TUB: variants seen among roughly 807,000 people sequenced by gnomAD.
TUB encodes the protein TUB bipartite transcription factor.
A neutral mutation model predicts 59.7 loss-of-function variants in TUB; 33 were observed. The observed-to-expected ratio is 0.55, with a 90% confidence interval of 0.42 to 0.74. The LOEUF (loss-of-function observed/expected upper bound fraction) is 0.74, where lower values mean the gene tolerates loss of function less well. Among genes scored for constraint, TUB ranks in the 30% least tolerant of loss-of-function variants. The probability of loss-of-function intolerance (pLI) is 0.00; values close to 1 mark genes in which losing one functional copy is unlikely to be tolerated. For missense variants in TUB, 659 were observed against 672.0 expected (o/e 0.98, Z 0.21); for synonymous variants, 293 against 256.4 (o/e 1.14, Z -1.36).
intron 3 of TUB, among the ~76,000 whole-genome samples, chr11:8,091,636 C>G (rs1308298104): frequency 2.0e-5 from 3 of 152,144 alleles, no homozygotes; most frequent in East Asian, 1.9e-4. Flanking sequence ...GCTAATTCCC[C>G]TGTGTGTGTG....
At chr11:8,071,256 G>A (rs1439087160) in intron 2 of TUB, among the ~76,000 whole-genome samples, 1 of 152,166 alleles carries the variant, frequency 6.6e-6, no homozygotes, top group African/African-American at 2.4e-5. Context: ...ATAGGGGTAG[G>A]TCTAGCCTGA....
upstream of TUB, among the ~76,000 whole-genome samples, chr11:8,080,221 G>A (rs963177538): frequency 6.6e-6 from 1 of 152,206 alleles, no homozygotes; most frequent in Non-Finnish European, 1.5e-5. Flanking sequence ...CAGAATCCAG[G>A]ATGCACACGA....
intron 9 of TUB, 142 bp downstream of exon 9, chr11:8,099,017 T>C: frequency 1.4e-6 from 1 of 693,268 alleles, no homozygotes; most frequent in East Asian, 2.5e-5. Flanking sequence ...GGAGTGTTCC[T>C]GGCCTAGGAC....
At position 8,095,024 on chromosome 11, in the gene TUB, A is replaced by G. The variant is rs139015763; in HGVS notation, c.398-474A>G. ...GGAAGGCGAGTGTATGCCAATTGCA[A>G]TCTTTCTCAAGGGGCCCACGTTTTT... On this transcript the variant is annotated intron_variant, in intron 4 of 11. Transcript: ENST00000299506. 7.1e-3 allele frequency among the ~76,000 whole-genome samples: 1,081 copies of G among 152,318 alleles called. 28 individuals are homozygous for G. Among genetic ancestry groups the G allele is most frequent in the Admixed American group, 0.056 (852 of 15,308 alleles).
intron 2 of TUB, among the ~76,000 whole-genome samples, chr11:8,072,270 CA>C (rs556327370): frequency 1.4e-4 from 22 of 152,226 alleles, no homozygotes; most frequent in Non-Finnish European, 2.9e-4. Context: ...TCCTCCAGGC[CA>C]GAGCTCAGCT....
intron 5 of TUB, among the ~76,000 whole-genome samples, chr11:8,096,274 G>A (rs753732465): frequency 6.6e-6 from 1 of 152,164 alleles, no homozygotes. Context: ...CAGATTCCGT[G>A]GTCTATGCCA....
intron 1 of TUB, among the ~76,000 whole-genome samples, chr11:8,022,821 C>T (rs11827564): frequency 0.42 from 63,563 of 151,982 alleles, 14,934 homozygotes; most frequent in Middle Eastern, 0.59. Context: ...ACCCGGGAGA[C>T]GGAGGTTGCA....
chr11:8,065,406 G>A (rs994894955), intron 2 of TUB, among the ~76,000 whole-genome samples: 41 of 152,196 alleles, frequency 2.7e-4, no homozygotes, highest in African/African-American at 9.2e-4. Flanking sequence ...AAGTGGTTTC[G>A]TGTGAGTCTT....
chr11:8,097,199 G>C, intron 6 of TUB, 29 bp from the exon 7 acceptor site: 2 of 1,612,612 alleles, frequency 1.2e-6, no homozygotes, highest in Non-Finnish European at 1.7e-6. Context: ...GGTCCTTGGG[G>C]CTCAGGCACC....
intron 1 of TUB, among the ~76,000 whole-genome samples, chr11:8,025,125 A>G (rs756194981): frequency 1.3e-4 from 20 of 152,216 alleles, no homozygotes; most frequent in Non-Finnish European, 2.5e-4. Context: ...AGTTCTTACC[A>G]TCTAGTTGGG....
chr11:8,019,754 C>T (rs12797527), intron 1 of TUB, among the ~76,000 whole-genome samples: 84 of 151,848 alleles, frequency 5.5e-4, no homozygotes, highest in African/African-American at 2.0e-3. Context: ...GGGGCGCCTT[C>T]GGCTCTGGGA....
chr11:8,064,118 C>G (rs1943187810), intron 2 of TUB, among the ~76,000 whole-genome samples: 1 of 152,130 alleles, frequency 6.6e-6, no homozygotes, highest in Non-Finnish European at 1.5e-5. Context: ...TTCTCAGTCT[C>G]CCACCAATAG....
chr11:8,050,862 A>G (rs1437090567), intron 2 of TUB, among the ~76,000 whole-genome samples: 2 of 152,216 alleles, frequency 1.3e-5, no homozygotes, highest in Non-Finnish European at 2.9e-5. Flanking sequence ...TGGTTCCACA[A>G]TAAAATTGCA....
At chr11:8,039,433 G>GCCTGCCTA in intron 1 of TUB, 1 of 439,400 alleles carries the variant, frequency 2.3e-6, no homozygotes, top group Non-Finnish European at 4.0e-6. Flanking sequence ...CATCTGGACT[G>GCCTGCCTA]CCTGCCTGCC....
intron 2 of TUB, among the ~76,000 whole-genome samples, chr11:8,048,061 C>T (rs1942864932): frequency 1.3e-5 from 2 of 152,018 alleles, no homozygotes; most frequent in Admixed American, 6.6e-5. Flanking sequence ...AGTGCATGTA[C>T]ACAGTGAGCA....
At chr11:8,070,887 A>G (rs1943349221) in intron 2 of TUB, among the ~76,000 whole-genome samples, 1 of 152,182 alleles carries the variant, frequency 6.6e-6, no homozygotes, top group South Asian at 2.1e-4. Context: ...TTGAAGCAGC[A>G]GGTGCAAGGA....
intron 4 of TUB, 69 bp downstream of exon 4, chr11:8,094,258 T>G: frequency 6.6e-7 from 1 of 1,507,582 alleles, no homozygotes. Context: ...GGAAGGTTTG[T>G]CCTCCTGACT....
intron 1 of TUB, among the ~76,000 whole-genome samples, chr11:8,027,936 C>G (rs555271910): frequency 1.3e-5 from 2 of 152,328 alleles, no homozygotes; most frequent in East Asian, 3.9e-4. Flanking sequence ...GTCTTAGATT[C>G]TTTTGGGTAG....
At chr11:8,041,371 C>T (rs979131382) in intron 2 of TUB, among the ~76,000 whole-genome samples, 3 of 152,142 alleles carry the variant, frequency 2.0e-5, no homozygotes, top group Non-Finnish European at 4.4e-5. Context: ...AGGAGCCAGG[C>T]ATCTTTGGAA....
Sources: gnomAD v4.1 joint callset for allele counts (sites outside exome capture counted in the v4.1 genomes callset) on GRCh38, gnomAD v4.1.1 for gene constraint, MANE v1.5 for transcripts, NCBI Gene and HGNC (gene_info 2026-07-23, HGNC 2026-07-21) for gene names.